The following EML5 variants were observed in gnomAD, a reference collection of about 807,000 sequenced individuals.
EML5 encodes the protein EMAP like 5.
In EML5, 120 loss-of-function variants were observed where a neutral mutation model predicts 250.0. The ratio of observed to expected loss-of-function variants is 0.48; its 90% CI spans 0.41 to 0.56. The LOEUF (loss-of-function observed/expected upper bound fraction) is 0.56, where lower values mean the gene tolerates loss of function less well. EML5 is among the 20% of genes least tolerant of loss of function. EML5 has a pLI of 0.00. For synonymous variants in EML5, 771 were observed against 806.5 expected (o/e 0.96, Z 0.75); for missense variants, 2,006 against 2,437.6 (o/e 0.82, Z 3.73).
intron 33 of EML5, 70 bp downstream of exon 33, chr14:88,634,399 A>C: frequency 9.6e-7 from 1 of 1,040,716 alleles, no homozygotes; most frequent in Non-Finnish European, 1.4e-6. Flanking sequence ...ATATACTTGA[A>C]CTTAAGTTTA....
At chr14:88,647,647 C>T (rs1218210054) in intron 28 of EML5, among the ~76,000 whole-genome samples, 1 of 112,558 alleles carries the variant, frequency 8.9e-6, no homozygotes, top group Non-Finnish European at 1.6e-5. Context: ...GCTGTGATCA[C>T]ATCACTGCAC....
At chr14:88,725,711 G>C (rs577320597) in intron 8 of EML5, among the ~76,000 whole-genome samples, 8 of 152,298 alleles carry the variant, frequency 5.3e-5, no homozygotes, top group South Asian at 2.1e-4. Context: ...GAAAGGTCTT[G>C]AGGGAAACCA....
intron 5 of EML5, 129 bp from the exon 6 acceptor site, chr14:88,739,143 AAAACACAAAAG>A: frequency 1.2e-6 from 1 of 868,598 alleles, no homozygotes; most frequent in Non-Finnish European, 1.7e-6. Flanking sequence ...AATACATCAG[AAAACACAAAAG>A]AAAATCTAGA....
At chr14:88,716,757 A>ACC (rs1399293426) in intron 8 of EML5, among the ~76,000 whole-genome samples, 1 of 151,856 alleles carries the variant, frequency 6.6e-6, no homozygotes, top group Non-Finnish European at 1.5e-5. Flanking sequence ...ACACACACAC[A>ACC]CACACACGGT....
In EML5 at chr14:88,734,494, T is replaced by A. The variant is rs186477860; in HGVS notation, c.1049+1870A>T. Among the ~76,000 whole-genome samples, 14 of 151,854 alleles carry A rather than the reference T, an allele frequency of 9.2e-5. No homozygotes were observed. In the East Asian group the frequency reaches 2.3e-3, roughly 25 times the overall value. On this transcript the variant is annotated intron_variant, in intron 7 of 43. Coordinates refer to ENST00000554922, the MANE Select transcript of EML5 (RefSeq NM_183387.3). ...TTTGCATTCTCTTAAGGGGCCACAA[T>A]ACAAAAAGAGATACATAGTTGTCTG...
chr14:88,621,401 T>C (rs1595211213), intron 37 of EML5, 100 bp from the exon 38 acceptor site: 1 of 1,469,976 alleles, frequency 6.8e-7, no homozygotes. Context: ...TCAGAGAACT[T>C]TTTGCTTTGA....
chr14:88,782,442 G>A (rs1212130174), intron 1 of EML5, among the ~76,000 whole-genome samples: 2 of 152,196 alleles, frequency 1.3e-5, no homozygotes, highest in Non-Finnish European at 2.9e-5. Context: ...ACATAAGAAC[G>A]AGGAGCCAAA....
chr14:88,750,750 A>G (rs752083068), intron 2 of EML5, among the ~76,000 whole-genome samples: 36 of 152,216 alleles, frequency 2.4e-4, no homozygotes, highest in Non-Finnish European at 4.1e-4. Flanking sequence ...AAATCAAGCT[A>G]GCAGAAAGCC....
rs749439082 is a variant in EML5 at position 88,616,254 on chromosome 14, T to C, written c.5797-12A>G. 3.7e-6 allele frequency: 6 copies of C among 1,612,750 alleles called. No homozygotes were observed. The East Asian group carries it at 1.3e-4, about 36-fold the overall frequency. On this transcript the variant is annotated splice_polypyrimidine_tract_variant and intron_variant, in intron 42 of 43. Coordinates refer to ENST00000554922, the MANE Select transcript of EML5 (RefSeq NM_183387.3). ...CTTTTGTGTTTTGCCTAAAAAACAA[T>C]GACAGACAAGCTCAGGGCATTTGGT... is the stretch of plus-strand genomic sequence containing the variant.
chr14:88,719,839 T>C (rs1263900776), intron 8 of EML5, among the ~76,000 whole-genome samples: 4 of 152,030 alleles, frequency 2.6e-5, no homozygotes, highest in Non-Finnish European at 5.9e-5. Context: ...AAAAATTAAT[T>C]AATCTAGGAT....
Position 88,740,498 on chromosome 14 carries a change from T to A in EML5, c.600A>T (p.Ile200=). ...VFGKTGDLQT[I]LCLACARDEL... is the part of the protein sequence containing the mutation. ...CATCCCTTGCACAGGCTAGGCACAGTATTGTCTGAAGGTCACCCGTCTTAC... is the reference window on the plus strand; with the variant it reads ...CATCCCTTGCACAGGCTAGGCACAGAATTGTCTGAAGGTCACCCGTCTTAC... The change falls in exon 5 of 44, where the codon ATA becomes ATT. Residue 200 remains isoleucine (I), a synonymous_variant. Coordinates refer to ENST00000554922, the MANE Select transcript of EML5 (RefSeq NM_183387.3). The A allele has an allele frequency of 1.2e-6, 2 of 1,613,820 alleles. No homozygotes were observed. Among genetic ancestry groups the A allele is most frequent in the South Asian group, 2.2e-5 (2 of 91,058 alleles).
chr14:88,735,123 A>G lies in EML5; in HGVS notation c.1049+1241T>C, dbSNP rs1015894502. ...TGGGGTAAACAAATCTCAATTCCTAAATTTGATCAGTGGTTCTCAAACTTT... is the reference window on the plus strand; with the variant it reads ...TGGGGTAAACAAATCTCAATTCCTAGATTTGATCAGTGGTTCTCAAACTTT... On this transcript the variant is annotated intron_variant, in intron 7 of 43. Transcript: ENST00000554922. Among the ~76,000 whole-genome samples, 5 of 152,174 alleles carry G rather than the reference A, an allele frequency of 3.3e-5. No homozygotes were observed. In the South Asian group the frequency reaches 1.0e-3, roughly 32 times the overall value.
At chr14:88,733,241 G>C (rs2093788348) in intron 7 of EML5, among the ~76,000 whole-genome samples, 1 of 152,162 alleles carries the variant, frequency 6.6e-6, no homozygotes, top group Non-Finnish European at 1.5e-5. Context: ...GGTCTTGTCT[G>C]TCCCTTGTGC....
At chr14:88,679,497 G>C (rs956059406) in intron 21 of EML5, among the ~76,000 whole-genome samples, 1 of 151,938 alleles carries the variant, frequency 6.6e-6, no homozygotes, top group African/African-American at 2.4e-5. Context: ...TTCAAGACCA[G>C]CCTGGCCAAC....
chr14:88,750,783 T>C (rs1455119063), intron 2 of EML5, among the ~76,000 whole-genome samples: 2 of 152,212 alleles, frequency 1.3e-5, no homozygotes, highest in Admixed American at 1.3e-4. Context: ...GGAGATTATT[T>C]GTACCTCCTG....
At chr14:88,625,171 C>A in intron 35 of EML5, 44 bp from the exon 36 acceptor site, 1 of 1,601,952 alleles carries the variant, frequency 6.2e-7, no homozygotes, top group South Asian at 1.1e-5. Context: ...ATCAAAAGTT[C>A]AAATAGAGTT....
Position 88,622,496 on chromosome 14 carries a change from G to C in EML5, c.5013+108C>G. ...AGTAATGTTGGCAAGCAAATCCATC[G>C]TTATGCATTATTAAGTATTGTTCAT... On this transcript the variant is annotated intron_variant, in intron 37 of 43. Coordinates refer to ENST00000554922, the MANE Select transcript of EML5 (RefSeq NM_183387.3). 4.8e-6 allele frequency: 4 copies of C among 839,806 alleles called. 1 individual carries two copies. Among genetic ancestry groups the C allele is most frequent in the Non-Finnish European group, 6.8e-6 (4 of 584,776 alleles). The allele number at this position is 839,806 out of a possible 1,614,324, so 52.0% of individuals were successfully genotyped here. A position where few individuals can be genotyped will look rare whatever the true frequency, so the allele number is the denominator to read the frequency against.
At chr14:88,784,018 C>T (rs541445954) in intron 1 of EML5, among the ~76,000 whole-genome samples, 23 of 152,036 alleles carry the variant, frequency 1.5e-4, no homozygotes, top group African/African-American at 5.1e-4. Flanking sequence ...AATACAAATA[C>T]GTGGAAATTA....
intron 3 of EML5, among the ~76,000 whole-genome samples, chr14:88,744,766 GC>G (rs1315135073): frequency 6.6e-6 from 1 of 151,978 alleles, no homozygotes; most frequent in Non-Finnish European, 1.5e-5. Context: ...CATTTATTCT[GC>G]TTTCTGGTAG....
Sources: allele counts gnomAD v4.1 joint callset (sites outside exome capture counted in the v4.1 genomes callset), GRCh38; gene constraint gnomAD v4.1.1; transcripts MANE v1.5; gene names NCBI Gene and HGNC (gene_info 2026-07-23, HGNC 2026-07-21).